Variants in FOXK2 observed in about 807,000 individuals in gnomAD.
The protein encoded by FOXK2 is forkhead box protein K2.
A neutral mutation model predicts 53.3 loss-of-function variants in FOXK2; 24 were observed. The observed-to-expected ratio is 0.45, with a 90% CI of 0.33 to 0.63. FOXK2 has a LOEUF of 0.63. FOXK2 is among the 30% of genes least tolerant of loss of function. The pLI is 0.03. For missense variants in FOXK2, 952 were observed against 910.5 expected, an observed-to-expected ratio of 1.05 and a Z score of -0.59; for synonymous variants, 505 against 407.1, an observed-to-expected ratio of 1.24 and a Z score of -2.89.
intron 4 of FOXK2, among the ~76,000 whole-genome samples, chr17:82,574,766 A>G (rs1412806786): frequency 6.6e-6 from 1 of 152,172 alleles, no homozygotes; most frequent in Non-Finnish European, 1.5e-5. Flanking sequence ...CTCCTGGCTT[A>G]CAACAAAAGC....
chr17:82,585,924 C>A lies in FOXK2; in HGVS notation c.1300C>A (p.Pro434Thr). ...SAPGSPLSSQPVLITVQRQLP... is the reference protein window; with the variant it reads ...SAPGSPLSSQTVLITVQRQLP... ...ACCAGGGTCACCTCTGTCCAGTCAG[C>A]CAGTCTTAATCACCGTCCAGCGGCA... The change falls in exon 7 of 9, where the codon CCA (proline) becomes ACA (threonine). Residue 434 changes from proline to threonine, a missense_variant. By Grantham distance (38) the Pro-to-Thr change is conservative (BLOSUM62 -1). Transcript: ENST00000335255. The A allele has an allele frequency of 6.2e-7, 1 of 1,611,442 alleles. No individual in the cohort carries two copies. Among genetic ancestry groups the A allele is most frequent in the Non-Finnish European group, 8.5e-7 (1 of 1,178,818 alleles).
At chr17:82,601,276 G>T (rs768185259) in intron 8 of FOXK2, 27 bp from the exon 9 acceptor site, 2 of 1,599,854 alleles carry the variant, frequency 1.3e-6, no homozygotes, top group Admixed American at 1.7e-5. Context: ...GAGAGCGTGG[G>T]GTTCTGACTC....
At chr17:82,572,488 A>G (rs1423675745) in intron 4 of FOXK2, among the ~76,000 whole-genome samples, 1 of 115,726 alleles carries the variant, frequency 8.6e-6, no homozygotes, top group African/African-American at 3.0e-5. Flanking sequence ...ACACACCAAT[A>G]ATTTTTTTTT....
chr17:82,550,780 C>T (rs1030699229), intron 1 of FOXK2, among the ~76,000 whole-genome samples: 14 of 152,070 alleles, frequency 9.2e-5, no homozygotes, highest in African/African-American at 1.4e-4. Flanking sequence ...GCTGGGATGA[C>T]AGGTGTGGGC....
At chr17:82,580,706 C>T (rs373994109) in intron 4 of FOXK2, among the ~76,000 whole-genome samples, 43 of 2,956 alleles carry the variant, frequency 0.015, no homozygotes, top group East Asian at 0.025. Context: ...ACACATGGCC[C>T]AGCCCTCCTC....
chr17:82,583,702 C>T (rs1003127697), intron 5 of FOXK2, among the ~76,000 whole-genome samples: 1 of 152,286 alleles, frequency 6.6e-6, no homozygotes, highest in East Asian at 1.9e-4. Context: ...GCCCACGGAC[C>T]TGCTCGCTGC....
At chr17:82,597,590 G>A (rs565842945) in intron 8 of FOXK2, among the ~76,000 whole-genome samples, 7 of 152,334 alleles carry the variant, frequency 4.6e-5, no homozygotes, top group East Asian at 3.9e-4. Flanking sequence ...AGTACCTCGC[G>A]ACAGAGGCTC....
chr17:82,572,659 T>C (rs981028629), intron 4 of FOXK2, among the ~76,000 whole-genome samples: 6 of 152,210 alleles, frequency 3.9e-5, no homozygotes, highest in Non-Finnish European at 7.3e-5. Flanking sequence ...GTTTGAAATA[T>C]AGAATATTAA....
chr17:82,567,075 T>C (rs78737878), intron 2 of FOXK2, among the ~76,000 whole-genome samples: 2,609 of 152,156 alleles, frequency 0.017, 31 homozygotes, highest in Middle Eastern at 0.048. Context: ...CTGCAGAGGG[T>C]ACAAGGCCAC....
intron 2 of FOXK2, 30 bp from the exon 3 acceptor site, chr17:82,568,024 C>CT (rs757812393): frequency 6.4e-7 from 1 of 1,568,644 alleles, no homozygotes; most frequent in South Asian, 1.2e-5. Flanking sequence ...CTGTGATAGA[C>CT]TAATAGGAAC....
Position 82,586,040 on chromosome 17 carries a change from C to G in FOXK2, c.1416C>G (p.His472Gln), listed in dbSNP as rs146214667. ...AGCCACCCGTCGTGCAGACGGTTCACGTCGTCCACCAGATCCCAGCGGTGT... is the reference window on the plus strand; with the variant it reads ...AGCCACCCGTCGTGCAGACGGTTCAGGTCGTCCACCAGATCCCAGCGGTGT... The part of the protein sequence containing the change: ...TSQPPVVQTV[H>Q]VVHQIPAVSV... The change falls in exon 7 of 9, where the codon CAC becomes CAG. Residue 472 changes from histidine to glutamine, a missense_variant. This residue lies in a region of FOXK2 where 551 missense variants were observed against 385.1 expected (regional missense o/e 1.43). Coordinates refer to ENST00000335255, the MANE Select transcript of FOXK2 (RefSeq NM_004514.4). 1.6e-4 allele frequency: 254 copies of G among 1,612,714 alleles called. No individual in the cohort carries two copies. The highest frequency in any genetic ancestry group is 1.9e-4 in the Non-Finnish European group (230 of 1,180,004).
intron 8 of FOXK2, among the ~76,000 whole-genome samples, chr17:82,596,403 T>G (rs2143170676): frequency 3.0e-5 from 1 of 33,732 alleles, no homozygotes; most frequent in East Asian, 7.9e-4. Flanking sequence ...GCCTCAGAGC[T>G]TGGTGTAGGG....
chr17:82,527,930 A>G (rs1418042102), intron 1 of FOXK2, among the ~76,000 whole-genome samples: 2 of 152,116 alleles, frequency 1.3e-5, no homozygotes, highest in Non-Finnish European at 2.9e-5. Context: ...TCTCCCGTGT[A>G]GCTGAGAGTA....
intron 8 of FOXK2, chr17:82,593,761 G>A (rs1344951668): frequency 6.6e-6 from 1 of 152,332 alleles, no homozygotes; most frequent in Non-Finnish European, 1.5e-5. Flanking sequence ...ATTTGATGAT[G>A]TGGGTATCCC....
intron 7 of FOXK2, among the ~76,000 whole-genome samples, chr17:82,586,657 TA>T (rs1294166421): frequency 6.6e-6 from 1 of 151,918 alleles, no homozygotes; most frequent in Non-Finnish European, 1.5e-5. Flanking sequence ...ATCCCAGCAC[TA>T]TGGGGGGCTG....
intron 5 of FOXK2, 87 bp from the exon 6 acceptor site, chr17:82,583,926 C>G: frequency 7.2e-7 from 1 of 1,386,200 alleles, no homozygotes; most frequent in South Asian, 1.4e-5. Context: ...AATGACACCC[C>G]CTTTGCAAAG....
intron 1 of FOXK2, among the ~76,000 whole-genome samples, chr17:82,555,687 A>G (rs2044716645): frequency 6.7e-6 from 1 of 149,922 alleles, no homozygotes; most frequent in Non-Finnish European, 1.5e-5. Flanking sequence ...GATCGAGACC[A>G]TCCTGGCTAA....
intron 1 of FOXK2, among the ~76,000 whole-genome samples, chr17:82,543,283 T>C (rs1056884700): frequency 6.6e-6 from 1 of 152,258 alleles, no homozygotes; most frequent in Non-Finnish European, 1.5e-5. Flanking sequence ...AGGGCCTTGC[T>C]CTGGTACCCA....
chr17:82,557,017 A>G (rs1425690720), intron 1 of FOXK2, among the ~76,000 whole-genome samples: 3 of 145,434 alleles, frequency 2.1e-5, no homozygotes, highest in Non-Finnish European at 4.5e-5. Flanking sequence ...TTTTATTTTT[A>G]TTTTATTATT....
Sources: gnomAD v4.1 joint callset for allele counts (sites outside exome capture counted in the v4.1 genomes callset) on GRCh38, gnomAD v4.1.1 for gene constraint, gnomAD v4.1.1 regional missense constraint, MANE v1.5 for transcripts, NCBI Gene and HGNC (gene_info 2026-07-23, HGNC 2026-07-21) for gene names.